GXYLT2: variants seen among roughly 807,000 people sequenced by gnomAD.
The protein encoded by GXYLT2 is glycosyltransferase 8 domain containing 4.
A neutral mutation model predicts 45.8 loss-of-function variants in GXYLT2; 53 were observed. The ratio of observed to expected loss-of-function variants is 1.16; its 90% CI spans 0.93 to 1.46. The LOEUF is 1.46. GXYLT2 is among the 40% of genes most tolerant of loss of function. The pLI is 0.00. For missense variants in GXYLT2, 551 were observed against 544.4 expected, an observed-to-expected ratio of 1.01 and a Z score of -0.12; for synonymous variants, 219 against 214.2, an observed-to-expected ratio of 1.02 and a Z score of -0.19.
At chr3:72,915,359 G>T (rs1348936365) in intron 2 of GXYLT2, among the ~76,000 whole-genome samples, 6 of 118,730 alleles carry the variant, frequency 5.1e-5, no homozygotes, top group Admixed American at 7.9e-5. Flanking sequence ...TTTTTTGCGG[G>T]GGGGGGGGGG....
chr3:72,914,549 G>A (rs903757011), intron 2 of GXYLT2, among the ~76,000 whole-genome samples: 7 of 151,210 alleles, frequency 4.6e-5, no homozygotes, highest in Admixed American at 2.0e-4. Context: ...GTGTGTGTGC[G>A]CGCGCGCGCT....
intron 1 of GXYLT2, among the ~76,000 whole-genome samples, chr3:72,889,558 C>G (rs1709138715): frequency 6.6e-6 from 1 of 152,216 alleles, no homozygotes; most frequent in Non-Finnish European, 1.5e-5. Context: ...AAAACCCCAA[C>G]AATCTGTCGC....
rs1502756 is a variant in GXYLT2, at chr3:72,922,141, C to T, written c.469-63C>T. 12,550 of 1,490,722 alleles carry T rather than the reference C, an allele frequency of 8.4e-3. 832 individuals are homozygous for T. The African/African-American group carries it at 0.15, about 18-fold the overall frequency. 92.3% of individuals were successfully genotyped at this position (1,490,722 alleles called of 1,614,324 possible). On this transcript the variant is annotated intron_variant, in intron 2 of 6. Coordinates refer to ENST00000389617, the MANE Select transcript of GXYLT2 (RefSeq NM_001080393.2). ...TTTCCATTTGACCATCCAGAAGCTTCGCAGGCATTTTCCATATTTCCTAGG... is the reference window on the plus strand; with the variant it reads ...TTTCCATTTGACCATCCAGAAGCTTTGCAGGCATTTTCCATATTTCCTAGG...
intron 2 of GXYLT2, among the ~76,000 whole-genome samples, chr3:72,913,478 T>G (rs1213300737): frequency 6.6e-6 from 1 of 151,920 alleles, no homozygotes; most frequent in Non-Finnish European, 1.5e-5. Flanking sequence ...GTGGATCACC[T>G]GAGGTCCGGA....
intron 2 of GXYLT2, among the ~76,000 whole-genome samples, chr3:72,909,375 T>A (rs1177714082): frequency 6.6e-6 from 1 of 152,068 alleles, no homozygotes; most frequent in Non-Finnish European, 1.5e-5. Context: ...TGGCCGGTTT[T>A]TTTTTCCCCA....
intron 5 of GXYLT2, among the ~76,000 whole-genome samples, chr3:72,960,888 A>C (rs934184449): frequency 6.6e-6 from 1 of 152,218 alleles, no homozygotes; most frequent in Non-Finnish European, 1.5e-5. Context: ...GTTTATTGTT[A>C]TGGTTCTTCA....
In GXYLT2 at chr3:72,905,187, A is replaced by G. The variant is rs573944546; in HGVS notation, c.276-3180A>G. On this transcript the variant is annotated intron_variant, in intron 1 of 6. Coordinates refer to ENST00000389617, the MANE Select transcript of GXYLT2 (RefSeq NM_001080393.2). ...GGCTGGAGTGCAGTGGCACGATCTC[A>G]GCTCATTGTAACCTCAGTCTCCCAG... Among the ~76,000 whole-genome samples the G allele has an allele frequency of 2.6e-5, 4 of 151,946 alleles. No homozygotes were observed. In the South Asian group the frequency reaches 8.3e-4, roughly 32 times the overall value.
At chr3:72,937,746 C>G (rs1188322043) in intron 3 of GXYLT2, among the ~76,000 whole-genome samples, 7 of 152,116 alleles carry the variant, frequency 4.6e-5, no homozygotes. Context: ...TTCCCCTGAA[C>G]CTTCCATTCT....
At chr3:72,899,023 GC>G (rs1447025201) in intron 1 of GXYLT2, among the ~76,000 whole-genome samples, 1 of 151,122 alleles carries the variant, frequency 6.6e-6, no homozygotes, top group Non-Finnish European at 1.5e-5. Flanking sequence ...GAGCCACCGC[GC>G]CCGGCCAGAG....
chr3:72,974,043 G>T (rs536890740), intron 6 of GXYLT2, among the ~76,000 whole-genome samples: 38 of 152,148 alleles, frequency 2.5e-4, no homozygotes, highest in Non-Finnish European at 4.9e-4. Context: ...AGGCAAGAGT[G>T]TACTGATCTT....
intron 6 of GXYLT2, among the ~76,000 whole-genome samples, chr3:72,969,481 G>A (rs1357509442): frequency 6.6e-6 from 1 of 151,962 alleles, no homozygotes; most frequent in African/African-American, 2.4e-5. Context: ...GGGAACCAGT[G>A]ACACCTATTC....
chr3:72,920,478 TG>T (rs1433886720), intron 2 of GXYLT2, among the ~76,000 whole-genome samples: 1 of 152,030 alleles, frequency 6.6e-6, no homozygotes, highest in Non-Finnish European at 1.5e-5. Flanking sequence ...TATACTGCGC[TG>T]GCTGGTCTCA....
At chr3:72,964,906 A>C (rs917700199) in intron 5 of GXYLT2, among the ~76,000 whole-genome samples, 1 of 152,200 alleles carries the variant, frequency 6.6e-6, no homozygotes, top group Non-Finnish European at 1.5e-5. Flanking sequence ...TTGGGTGACA[A>C]AAGGAAGCAG....
intron 3 of GXYLT2, among the ~76,000 whole-genome samples, chr3:72,939,396 C>G (rs992530976): frequency 6.6e-6 from 1 of 152,104 alleles, no homozygotes; most frequent in Non-Finnish European, 1.5e-5. Context: ...GATCACACCA[C>G]TGCACTCCAG....
chr3:72,948,661 A>G (rs1294873618), intron 3 of GXYLT2, among the ~76,000 whole-genome samples: 10 of 151,828 alleles, frequency 6.6e-5, no homozygotes, highest in Non-Finnish European at 1.3e-4. Flanking sequence ...ACATGGTGAA[A>G]CCCCGTCTCT....
chr3:72,924,845 A>C (rs1439067960), intron 3 of GXYLT2, among the ~76,000 whole-genome samples: 1 of 152,204 alleles, frequency 6.6e-6, no homozygotes, highest in East Asian at 1.9e-4. Flanking sequence ...ACCTACAAAA[A>C]GGTAATTTCT....
chr3:72,902,366 ATCAGAAAGCCAGAAATTG>A lies in GXYLT2; in HGVS notation c.276-5996_276-5979del, dbSNP rs142527216. Reference sequence around the variant, plus strand: ...CATTTATTTTTAAAAGAAACTTTATATCAGAAAGCCAGAAATTGTCAGTGATAACATAAATAGAAGATA... The same window carrying A: ...CATTTATTTTTAAAAGAAACTTTATATCAGTGATAACATAAATAGAAGATA... On this transcript the variant is annotated intron_variant, in intron 1 of 6. Transcript: ENST00000389617. Among the ~76,000 whole-genome samples the A allele has an allele frequency of 3.5e-3, 527 of 152,352 alleles. 12 individuals carry two copies. In the East Asian group the frequency reaches 0.072, roughly 21 times the overall value.
chr3:72,953,218 T>C (rs575773641), intron 3 of GXYLT2, among the ~76,000 whole-genome samples: 1 of 152,292 alleles, frequency 6.6e-6, no homozygotes, highest in African/African-American at 2.4e-5. Context: ...CTGAAAATTA[T>C]ATGAAATTCA....
chr3:72,954,987 C>A, intron 3 of GXYLT2, 111 bp from the exon 4 acceptor site: 1 of 1,098,882 alleles, frequency 9.1e-7, no homozygotes, highest in Non-Finnish European at 1.3e-6. Context: ...TACGAATCAA[C>A]AAAAGTTGGT....
Sources: allele counts gnomAD v4.1 joint callset (sites outside exome capture counted in the v4.1 genomes callset), GRCh38; gene constraint gnomAD v4.1.1; transcripts MANE v1.5; gene names NCBI Gene and HGNC (gene_info 2026-07-23, HGNC 2026-07-21).